FAM91A1: variants seen among roughly 807,000 people sequenced by gnomAD.
FAM91A1 encodes family with sequence similarity 91 member A1.
In FAM91A1, 41 loss-of-function variants were observed where a neutral mutation model predicts 113.5. The observed-to-expected ratio is 0.36, with a 90% CI of 0.28 to 0.47. The LOEUF (loss-of-function observed/expected upper bound fraction) is 0.47, where lower values mean the gene tolerates loss of function less well. Among genes scored for constraint, FAM91A1 ranks in the 20% least tolerant of loss-of-function variants. The pLI, the probability that FAM91A1 is intolerant of heterozygous loss-of-function variation, is 1.00. For missense variants in FAM91A1, 696 were observed against 1,001.2 expected (o/e 0.70, Z 4.11); for synonymous variants, 307 against 347.9 (o/e 0.88, Z 1.31).
At chr8:123,797,973 A>G in intron 15 of FAM91A1, 117 bp from the exon 16 acceptor site, 1 of 1,203,278 alleles carries the variant, frequency 8.3e-7, no homozygotes, top group Non-Finnish European at 1.2e-6. Flanking sequence ...TAATAGAGTT[A>G]CTTTACCTTA....
At chr8:123,796,461 CTTTTTTT>C (rs71289612) in intron 15 of FAM91A1, among the ~76,000 whole-genome samples, 1 of 129,044 alleles carries the variant, frequency 7.7e-6, no homozygotes, top group African/African-American at 3.0e-5. Flanking sequence ...GAGTGAAGGG[CTTTTTTT>C]TTTTTTTTTT....
chr8:123,792,658 T>C (rs745490559), intron 15 of FAM91A1, among the ~76,000 whole-genome samples: 45 of 152,250 alleles, frequency 3.0e-4, no homozygotes, highest in African/African-American at 9.6e-4. Flanking sequence ...ATGAACTCTT[T>C]AGACTTCCTA....
At chr8:123,810,650 A>C (rs1332844485) in intron 23 of FAM91A1, 3 of 421,016 alleles carry the variant, frequency 7.1e-6, no homozygotes, top group Non-Finnish European at 4.2e-6. Flanking sequence ...GTTATAGCGC[A>C]CTTCCCAATA....
chr8:123,780,705 T>A (rs549977164), intron 8 of FAM91A1, among the ~76,000 whole-genome samples, 163 bp downstream of exon 8: 6 of 152,318 alleles, frequency 3.9e-5, no homozygotes, highest in African/African-American at 1.4e-4. Context: ...AAATTCTTTA[T>A]TCTCATTTTT....
At chr8:123,801,074 T>A (rs1406437198) in intron 18 of FAM91A1, among the ~76,000 whole-genome samples, 1 of 152,204 alleles carries the variant, frequency 6.6e-6, no homozygotes, top group Admixed American at 6.5e-5. Context: ...ATATGGTAAT[T>A]CCATGTTTAA....
intron 1 of FAM91A1, 24 bp downstream of exon 1, chr8:123,768,798 G>A (rs1457290586): frequency 3.1e-6 from 5 of 1,606,380 alleles, no homozygotes; most frequent in Non-Finnish European, 2.5e-6. Flanking sequence ...CTGGGACCGG[G>A]CCCCTGACGG....
chr8:123,808,655 A>G (rs1202776146), intron 21 of FAM91A1: 2 of 503,534 alleles, frequency 4.0e-6, no homozygotes, highest in Non-Finnish European at 6.9e-6. Flanking sequence ...TACTTTGAAC[A>G]TTGGATGAAA....
chr8:123,770,615 A>G (rs1586364400), intron 1 of FAM91A1, among the ~76,000 whole-genome samples: 1 of 151,978 alleles, frequency 6.6e-6, no homozygotes, highest in South Asian at 2.1e-4. Flanking sequence ...TTTTTTCTCT[A>G]CTCTTTTCAT....
chr8:123,806,146 A>C lies in FAM91A1; in HGVS notation c.1949A>C (p.Gln650Pro). Residue 650 changes from glutamine (Q) to proline (P), a missense_variant, in exon 20 of 24, where the codon CAG becomes CCG. Coordinates refer to ENST00000334705, the MANE Select transcript of FAM91A1 (RefSeq NM_144963.4). ...LQILRNRVDL[Q>P]HLCGYVTMLN... is the part of the protein sequence containing the mutation. The stretch of plus-strand genomic sequence containing the variant: ...ATACTAAGGAACAGAGTGGACTTAC[A>C]GCATCTCTGTGGATATGTCACCATG... 1.2e-6 allele frequency: 2 copies of C among 1,613,504 alleles called. No individual in the cohort carries two copies. Among genetic ancestry groups the C allele is most frequent in the South Asian group, 1.1e-5 (1 of 91,014 alleles).
chr8:123,782,071 C>T (rs1322564963), intron 8 of FAM91A1, among the ~76,000 whole-genome samples: 1 of 152,218 alleles, frequency 6.6e-6, no homozygotes, highest in Non-Finnish European at 1.5e-5. Context: ...TCCAGTTTGA[C>T]TGTCAGTTTG....
chr8:123,770,194 G>A (rs1327127278), intron 1 of FAM91A1, among the ~76,000 whole-genome samples: 3 of 152,120 alleles, frequency 2.0e-5, no homozygotes, highest in Admixed American at 6.5e-5. Flanking sequence ...CTCATGATCC[G>A]CCCGTCTCGG....
At chr8:123,777,193 A>G (rs1044165721) in intron 3 of FAM91A1, 72 bp from the exon 4 acceptor site, 2 of 1,042,048 alleles carry the variant, frequency 1.9e-6, no homozygotes, top group African/African-American at 3.2e-5. Flanking sequence ...GGCTGTAATA[A>G]TATTGTATTT....
At chr8:123,803,040 G>A (rs975177068) in intron 18 of FAM91A1, among the ~76,000 whole-genome samples, 10 of 152,182 alleles carry the variant, frequency 6.6e-5, no homozygotes, top group Non-Finnish European at 1.5e-4. Context: ...GGGTGCAGTG[G>A]CTCACGCCTG....
intron 15 of FAM91A1, 44 bp downstream of exon 15, chr8:123,789,789 C>T: frequency 6.3e-7 from 1 of 1,590,684 alleles, no homozygotes; most frequent in Non-Finnish European, 8.6e-7. Context: ...TCATATGAAA[C>T]TTTTTTCTAA....
rs374624440 is a variant in FAM91A1, at chr8:123,810,267, CTTT to C, written c.2262-6_2262-4del. The C allele has an allele frequency of 8.4e-7, 1 of 1,188,558 alleles. No individual in the cohort carries two copies. Among genetic ancestry groups the C allele is most frequent in the Admixed American group, 2.4e-5 (1 of 42,460 alleles). 73.6% of individuals were successfully genotyped at this position (1,188,558 alleles called of 1,614,324 possible). ...ATGTTTGTTTTAAACTGTTTCTCGC[CTTT>C]TTTTTTTTCAGCCTTCAAAACCTCT... On this transcript the variant is annotated splice_polypyrimidine_tract_variant and intron_variant, in intron 22 of 23. Coordinates refer to ENST00000334705, the MANE Select transcript of FAM91A1 (RefSeq NM_144963.4).
Position 123,780,083 on chromosome 8 carries a change from G to A in FAM91A1, c.640+8G>A. 6.2e-7 allele frequency: 1 copy of A among 1,602,600 alleles called. No homozygotes were observed. Among genetic ancestry groups the A allele is most frequent in the Non-Finnish European group, 8.5e-7 (1 of 1,173,460 alleles). The stretch of plus-strand genomic sequence containing the variant: ...ATTACAATGTAGTACATAGTAAGTG[G>A]TTAGTAGAAATGGTCTTTTGTCAAC... On this transcript the variant is annotated splice_region_variant and intron_variant, in intron 7 of 23. Coordinates refer to ENST00000334705, the MANE Select transcript of FAM91A1 (RefSeq NM_144963.4).
rs1454937045 is a variant in FAM91A1 at position 123,768,672 on chromosome 8, G to T, written c.-31G>T. 2.0e-6 allele frequency: 3 copies of T among 1,482,612 alleles called. No homozygotes were observed. The highest frequency in any genetic ancestry group is 1.5e-5 in the African/African-American group (1 of 65,238). 91.8% of individuals were successfully genotyped at this position (1,482,612 alleles called of 1,614,324 possible). A position where few individuals can be genotyped will look rare whatever the true frequency, so the allele number is the denominator to read the frequency against. On this transcript the variant is annotated 5_prime_UTR_variant, in exon 1 of 24. Transcript: ENST00000334705. The stretch of plus-strand genomic sequence containing the variant: ...GAGGCGTAGTGTGGGTCGCGGTGGC[G>T]GCCCCGGCCGCCGGCCCTGGCCGCG...
chr8:123,810,315 C>T lies in FAM91A1; in HGVS notation c.2295C>T (p.Leu765=). The change falls in exon 23 of 24, where the codon CTC becomes CTT. Residue 765 remains leucine, a synonymous_variant. Coordinates refer to ENST00000334705, the MANE Select transcript of FAM91A1 (RefSeq NM_144963.4). ...LQNLLHSSRK[L]SLQVLNFVHS... ...ACCTCTTACATTCCAGTAGAAAACT[C>T]TCTCTGCAAGTCCTTAACTTTGTTC... 4 of 1,612,232 alleles carry T rather than the reference C, an allele frequency of 2.5e-6. No homozygotes were observed. The highest frequency in any genetic ancestry group is 3.4e-6 in the Non-Finnish European group (4 of 1,179,400).
chr8:123,785,830 T>C (rs896227858), intron 11 of FAM91A1, 89 bp downstream of exon 11: 1 of 763,372 alleles, frequency 1.3e-6, no homozygotes, highest in Non-Finnish European at 2.0e-6. Context: ...TATTTATTTA[T>C]TTATTGAGAC....
Sources: allele counts gnomAD v4.1 joint callset (sites outside exome capture counted in the v4.1 genomes callset), GRCh38; gene constraint gnomAD v4.1.1; transcripts MANE v1.5; gene names NCBI Gene and HGNC (gene_info 2026-07-23, HGNC 2026-07-21).